Variants in ADGRB3 observed in about 807,000 individuals in gnomAD.
The protein encoded by ADGRB3 is adhesion G protein-coupled receptor B3, also known as brain-specific angiogenesis inhibitor 3.
A neutral mutation model predicts 193.4 loss-of-function variants in ADGRB3; 37 were observed. That is an observed-to-expected ratio of 0.19 (90% CI 0.15 to 0.25). The LOEUF (loss-of-function observed/expected upper bound fraction) is 0.25. Ranked by LOEUF, ADGRB3 falls within the 10% of genes least tolerant of loss-of-function variation. The pLI, the probability that ADGRB3 is intolerant of heterozygous loss-of-function variation, is 1.00. For missense variants in ADGRB3, 1,637 were observed against 1,852.9 expected (o/e 0.88, Z 2.14); for synonymous variants, 690 against 644.2 (o/e 1.07, Z -1.08).
intron 17 of ADGRB3, among the ~76,000 whole-genome samples, chr6:69,107,185 C>A (rs1482123060): frequency 6.7e-6 from 1 of 148,712 alleles, no homozygotes; most frequent in African/African-American, 2.4e-5. Flanking sequence ...ACATGGCATG[C>A]GTAAGTGTGA....
intron 17 of ADGRB3, among the ~76,000 whole-genome samples, chr6:69,144,714 T>A (rs985136872): frequency 6.6e-6 from 1 of 152,210 alleles, no homozygotes; most frequent in Non-Finnish European, 1.5e-5. Flanking sequence ...TCATACTGAT[T>A]GATTTGCATA....
At chr6:69,226,562 A>C (rs1485489031) in intron 17 of ADGRB3, among the ~76,000 whole-genome samples, 1 of 152,230 alleles carries the variant, frequency 6.6e-6, no homozygotes, top group Non-Finnish European at 1.5e-5. Flanking sequence ...GCAACAACAG[A>C]TCAGAGTAAG....
intron 3 of ADGRB3, among the ~76,000 whole-genome samples, chr6:68,894,418 A>T (rs1445193098): frequency 1.3e-5 from 2 of 151,958 alleles, no homozygotes; most frequent in East Asian, 3.9e-4. Flanking sequence ...TATATGAGTT[A>T]CAAGGTATAT....
chr6:68,914,789 C>A (rs1471594977), intron 3 of ADGRB3, among the ~76,000 whole-genome samples: 1 of 152,168 alleles, frequency 6.6e-6, no homozygotes, highest in Non-Finnish European at 1.5e-5. Flanking sequence ...ATACCTTACT[C>A]ATCATTAAAG....
At chr6:69,043,158 G>C (rs1270275978) in intron 13 of ADGRB3, among the ~76,000 whole-genome samples, 1 of 151,618 alleles carries the variant, frequency 6.6e-6, no homozygotes, top group Non-Finnish European at 1.5e-5. Context: ...CTGATCTTGT[G>C]TTCCCAAATA....
intron 3 of ADGRB3, among the ~76,000 whole-genome samples, chr6:68,671,187 A>AGGAAAAT (rs1768948216): frequency 1.3e-5 from 2 of 152,002 alleles, no homozygotes; most frequent in Admixed American, 6.6e-5. Flanking sequence ...ATATAAGATT[A>AGGAAAAT]TATCATCTGT....
chr6:68,986,751 AAC>A (rs1453663381), intron 10 of ADGRB3, among the ~76,000 whole-genome samples: 1 of 152,192 alleles, frequency 6.6e-6, no homozygotes, highest in African/African-American at 2.4e-5. Flanking sequence ...GAAAGCCTTT[AAC>A]ATACCTTGCA....
chr6:68,787,705 A>G (rs573776038), intron 3 of ADGRB3, among the ~76,000 whole-genome samples: 2 of 152,174 alleles, frequency 1.3e-5, no homozygotes, highest in South Asian at 2.1e-4. Flanking sequence ...TTTTCTATTG[A>G]TTGGAATAGT....
intron 15 of ADGRB3, among the ~76,000 whole-genome samples, chr6:69,060,465 A>G (rs1450321131): frequency 1.3e-5 from 2 of 152,068 alleles, no homozygotes; most frequent in Non-Finnish European, 2.9e-5. Context: ...CTTCATAAAT[A>G]TCTTGACAAA....
intron 3 of ADGRB3, among the ~76,000 whole-genome samples, chr6:68,913,738 C>T (rs1183338091): frequency 2.6e-5 from 4 of 152,118 alleles, no homozygotes; most frequent in African/African-American, 9.7e-5. Flanking sequence ...GACGATCAAA[C>T]TACTCCGAAC....
chr6:69,369,714 A>G (rs915629553), intron 29 of ADGRB3, among the ~76,000 whole-genome samples: 3 of 150,996 alleles, frequency 2.0e-5, no homozygotes, highest in Non-Finnish European at 4.4e-5. Flanking sequence ...AAAAAAAAAA[A>G]GAGAGAGCGA....
intron 20 of ADGRB3, among the ~76,000 whole-genome samples, chr6:69,264,388 C>A (rs796892989): frequency 7.9e-5 from 12 of 152,054 alleles, no homozygotes; most frequent in African/African-American, 2.9e-4. Flanking sequence ...AAAATCTATT[C>A]TTTCTAATTC....
chr6:69,025,098 A>T (rs35653807), intron 13 of ADGRB3, among the ~76,000 whole-genome samples: 4 of 114,736 alleles, frequency 3.5e-5, no homozygotes, highest in African/African-American at 9.9e-5. Flanking sequence ...TCTCAAAAAA[A>T]AAAAAAAAAA....
intron 3 of ADGRB3, among the ~76,000 whole-genome samples, chr6:68,735,459 A>C (rs1765853485): frequency 6.6e-6 from 1 of 152,054 alleles, no homozygotes; most frequent in Non-Finnish European, 1.5e-5. Flanking sequence ...TCATTTACAA[A>C]TTAGAAATAG....
chr6:69,293,939 G>C (rs1046308656), intron 20 of ADGRB3, among the ~76,000 whole-genome samples: 1 of 152,010 alleles, frequency 6.6e-6, no homozygotes, highest in African/African-American at 2.4e-5. Flanking sequence ...GTGGAGCCCA[G>C]ATCAGAGTTC....
chr6:68,983,871 T>G (rs959203941), intron 10 of ADGRB3, among the ~76,000 whole-genome samples: 1 of 152,166 alleles, frequency 6.6e-6, no homozygotes, highest in Non-Finnish European at 1.5e-5. Context: ...CTATTTCTTC[T>G]TAGAAATAAC....
chr6:68,677,521 C>CTTTTTTTTTTTTTTTTTTTTTTTTTT (rs1002070733), intron 3 of ADGRB3, among the ~76,000 whole-genome samples: 1 of 120,336 alleles, frequency 8.3e-6, no homozygotes, highest in Non-Finnish European at 1.7e-5. Context: ...TTCTTTTTTT[C>CTTTTTTTTTTTTTTTTTTTTTTTTTT]TTTTTTTTTT....
At chr6:68,726,220 T>TA (rs1765671257) in intron 3 of ADGRB3, among the ~76,000 whole-genome samples, 1 of 151,672 alleles carries the variant, frequency 6.6e-6, no homozygotes, top group Non-Finnish European at 1.5e-5. Context: ...CATCTAAAAG[T>TA]ATATAAACCT....
chr6:68,733,895 G>C (rs553437481), intron 3 of ADGRB3, among the ~76,000 whole-genome samples: 141 of 152,004 alleles, frequency 9.3e-4, no homozygotes, highest in African/African-American at 3.2e-3. Flanking sequence ...TTAAATGCTT[G>C]AGGGGATGAA....
Sources: gnomAD v4.1 joint callset for allele counts (sites outside exome capture counted in the v4.1 genomes callset) on GRCh38, gnomAD v4.1.1 for gene constraint, MANE v1.5 for transcripts, NCBI Gene and HGNC (gene_info 2026-07-23, HGNC 2026-07-21) for gene names.